XKR6: variants seen among roughly 807,000 people sequenced by gnomAD.
The protein encoded by XKR6 is XK-related protein 6.
A neutral mutation model predicts 56.7 loss-of-function variants in XKR6; 22 were observed. The observed-to-expected ratio is 0.39, with a 90% CI of 0.28 to 0.55. XKR6 has a LOEUF of 0.55. XKR6 is among the 20% of genes least tolerant of loss of function. The pLI, the probability that XKR6 is intolerant of heterozygous loss-of-function variation, is 0.66. For synonymous variants in XKR6, 524 were observed against 387.8 expected (o/e 1.35, Z -4.13); for missense variants, 852 against 889.0 (o/e 0.96, Z 0.53).
intron 1 of XKR6, among the ~76,000 whole-genome samples, chr8:11,183,011 T>A (rs926092373): frequency 1.3e-5 from 2 of 152,236 alleles, no homozygotes; most frequent in Admixed American, 1.3e-4. Context: ...CAGAATGTCC[T>A]CCAGGTTCAT....
intron 1 of XKR6, among the ~76,000 whole-genome samples, chr8:11,027,682 C>T (rs978163966): frequency 6.6e-6 from 1 of 152,202 alleles, no homozygotes; most frequent in Non-Finnish European, 1.5e-5. Flanking sequence ...CCAAGACAAC[C>T]ACGTCTACTG....
At chr8:10,999,300 G>C (rs940468799) in intron 1 of XKR6, among the ~76,000 whole-genome samples, 2 of 152,194 alleles carry the variant, frequency 1.3e-5, no homozygotes, top group African/African-American at 2.4e-5. Flanking sequence ...ATACTGCACA[G>C]GCATTCCAAT....
chr8:11,034,175 C>T (rs1212221903), intron 1 of XKR6, among the ~76,000 whole-genome samples: 1 of 152,010 alleles, frequency 6.6e-6, no homozygotes, highest in Non-Finnish European at 1.5e-5. Context: ...ATGGTGAGTG[C>T]CAGACAAGGG....
chr8:11,130,998 C>T (rs1800076795), intron 1 of XKR6, among the ~76,000 whole-genome samples: 1 of 152,106 alleles, frequency 6.6e-6, no homozygotes. Flanking sequence ...ACAATATAAG[C>T]ACATTTCATA....
At chr8:11,102,994 T>C (rs915371592) in intron 1 of XKR6, among the ~76,000 whole-genome samples, 8 of 152,198 alleles carry the variant, frequency 5.3e-5, no homozygotes, top group African/African-American at 1.2e-4. Context: ...ACGGCTTTTA[T>C]GCAGTCTTTT....
chr8:11,109,920 C>G (rs1463861277), intron 1 of XKR6, among the ~76,000 whole-genome samples: 1 of 152,180 alleles, frequency 6.6e-6, no homozygotes, highest in Non-Finnish European at 1.5e-5. Flanking sequence ...AATAGAGGTT[C>G]AGATTAAAAT....
intron 1 of XKR6, among the ~76,000 whole-genome samples, chr8:10,933,684 G>A (rs1378473858): frequency 6.9e-6 from 1 of 144,416 alleles, no homozygotes; most frequent in East Asian, 1.9e-4. Flanking sequence ...TTTTTCTCAG[G>A]TTTGTCAAAG....
At chr8:11,119,591 G>C (rs1799347841) in intron 1 of XKR6, among the ~76,000 whole-genome samples, 1 of 152,004 alleles carries the variant, frequency 6.6e-6, no homozygotes, top group African/African-American at 2.4e-5. Flanking sequence ...ATCTTTGTTG[G>C]TTTAAAGTCT....
chr8:11,200,869 C>T lies in XKR6; in HGVS notation c.471G>A (p.Gly157=), dbSNP rs777872603. Residue 157 remains glycine (G), a synonymous_variant, in exon 1 of 3, where the codon GGG becomes GGA. Transcript: ENST00000416569. This position sits in a 1 kb window ranked among gnomAD's most constrained non-coding sequence, Gnocchi z 6.4. The part of the protein sequence containing the change: ...LWLALDYYRK[G]DYVYFGLTLF... ...GGGTCAGCCCGAAGTAGACGTAGTC[C>T]CCCTTGCGGTAGTAGTCGAGGGCCA... 4 of 1,611,908 alleles carry T rather than the reference C, an allele frequency of 2.5e-6. No individual in the cohort carries two copies. The highest frequency in any genetic ancestry group is 1.7e-4 in the Middle Eastern group (1 of 6,060).
At chr8:11,097,708 G>C (rs2129174891) in intron 1 of XKR6, among the ~76,000 whole-genome samples, 1 of 150,138 alleles carries the variant, frequency 6.7e-6, no homozygotes, top group African/African-American at 2.5e-5. Flanking sequence ...TTGGGAGGCT[G>C]AGGCAGCAGA....
chr8:11,057,444 C>T (rs570331922), intron 1 of XKR6, among the ~76,000 whole-genome samples: 9 of 152,314 alleles, frequency 5.9e-5, no homozygotes, highest in Admixed American at 3.9e-4. Context: ...AACAAATGGA[C>T]GAGAAGTGAC....
At chr8:11,111,333 A>G (rs1798880270) in intron 1 of XKR6, among the ~76,000 whole-genome samples, 1 of 152,040 alleles carries the variant, frequency 6.6e-6, no homozygotes, top group African/African-American at 2.4e-5. Flanking sequence ...CTCTCTCCTC[A>G]TTGGCACTTC....
At chr8:11,112,147 C>T (rs1262864255) in intron 1 of XKR6, among the ~76,000 whole-genome samples, 1 of 152,186 alleles carries the variant, frequency 6.6e-6, no homozygotes, top group Non-Finnish European at 1.5e-5. Context: ...CAAAATATCT[C>T]CACATTCATA....
At chr8:10,932,862 T>G (rs1192005233) in intron 1 of XKR6, among the ~76,000 whole-genome samples, 2 of 137,446 alleles carry the variant, frequency 1.5e-5, no homozygotes, top group Admixed American at 7.1e-5. Context: ...TCTTTGCTAT[T>G]GTGAATAATG....
intron 1 of XKR6, among the ~76,000 whole-genome samples, chr8:10,970,928 A>G (rs1356801107): frequency 6.6e-6 from 1 of 151,906 alleles, no homozygotes; most frequent in East Asian, 1.9e-4. Context: ...TCCTAAGGAG[A>G]ATCTGAAGCA....
At chr8:10,969,200 G>A (rs1328795184) in intron 1 of XKR6, among the ~76,000 whole-genome samples, 1 of 152,154 alleles carries the variant, frequency 6.6e-6, no homozygotes, top group Middle Eastern at 3.2e-3. Flanking sequence ...CCTGAAGCAG[G>A]TGCTCTTAGC....
intron 1 of XKR6, among the ~76,000 whole-genome samples, chr8:11,152,832 A>G (rs1382354475): frequency 6.6e-6 from 1 of 152,170 alleles, no homozygotes; most frequent in Non-Finnish European, 1.5e-5. Flanking sequence ...CAAAATTCTG[A>G]ATGATGAGAA....
rs550049965 is a variant in XKR6 at position 10,985,861 on chromosome 8, C to T, written c.765-61031G>A. The stretch of plus-strand genomic sequence containing the variant: ...GCTCAAGCGATCCACCTGCCTTGGA[C>T]TCCCAGAGCGCTGGGATTACAGGCA... On this transcript the variant is annotated intron_variant, in intron 1 of 2. Coordinates refer to ENST00000416569, the MANE Select transcript of XKR6 (RefSeq NM_173683.4). Among the ~76,000 whole-genome samples the T allele has an allele frequency of 1.4e-4, 21 of 152,332 alleles. 1 individual carries two copies. Among genetic ancestry groups the T allele is most frequent in the East Asian group, 5.8e-4 (3 of 5,188 alleles).
Position 11,181,383 on chromosome 8 carries a change from C to T in XKR6, c.764+19193G>A, listed in dbSNP as rs145173314. On this transcript the variant is annotated intron_variant, in intron 1 of 2. Transcript: ENST00000416569. Reference sequence around the variant, plus strand: ...ACTGTATTTCAGATGACATGCTTGCCTAATTTTATTCTTGAATATGGATCG... The same window carrying T: ...ACTGTATTTCAGATGACATGCTTGCTTAATTTTATTCTTGAATATGGATCG... Among the ~76,000 whole-genome samples the T allele has an allele frequency of 5.8e-3, 878 of 152,240 alleles. 5 individuals are homozygous for T. The highest frequency in any genetic ancestry group is 0.01 in the South Asian group (50 of 4,820).
Sources: gnomAD v4.1 joint callset for allele counts (sites outside exome capture counted in the v4.1 genomes callset) on GRCh38, gnomAD v4.1.1 for gene constraint, Gnocchi (gnomAD v3.1) non-coding constraint, MANE v1.5 for transcripts, NCBI Gene and HGNC (gene_info 2026-07-23, HGNC 2026-07-21) for gene names.